TNRC6B: variants seen among roughly 807,000 people sequenced by gnomAD.
TNRC6B encodes the protein trinucleotide repeat containing adaptor 6B.
A neutral mutation model predicts 203.6 loss-of-function variants in TNRC6B; 52 were observed. The observed-to-expected ratio is 0.26, with a 90% CI of 0.20 to 0.32. TNRC6B has a LOEUF of 0.32. Among genes scored for constraint, TNRC6B ranks in the 10% least tolerant of loss-of-function variants. The pLI, the probability that TNRC6B is intolerant of heterozygous loss-of-function variation, is 1.00. For synonymous variants in TNRC6B, 838 were observed against 845.7 expected, an observed-to-expected ratio of 0.99 and a Z score of 0.16; for missense variants, 1,923 against 2,286.2, an observed-to-expected ratio of 0.84 and a Z score of 3.24.
At chr22:40,124,115 A>G (rs1341792827) in intron 2 of TNRC6B, among the ~76,000 whole-genome samples, 1 of 152,140 alleles carries the variant, frequency 6.6e-6, no homozygotes, top group African/African-American at 2.4e-5. Context: ...TCCCAACAAG[A>G]CCTTGCTAGG....
At chr22:40,107,017 T>G (rs1201559403) in intron 1 of TNRC6B, 11 of 1,102,874 alleles carry the variant, frequency 1.0e-5, no homozygotes, top group Non-Finnish European at 1.5e-5. Context: ...TTCTTAAGGA[T>G]TTCTGGCACA....
At chr22:40,193,408 C>T (rs1274319310) in intron 1 of TNRC6B, among the ~76,000 whole-genome samples, 1 of 152,154 alleles carries the variant, frequency 6.6e-6, no homozygotes, top group East Asian at 1.9e-4. Context: ...CTATGCTGGT[C>T]TCTGGGGATA....
At chr22:40,223,494 GC>G (rs1232802534) in intron 1 of TNRC6B, among the ~76,000 whole-genome samples, 1 of 152,080 alleles carries the variant, frequency 6.6e-6, no homozygotes, top group African/African-American at 2.4e-5. Context: ...TTGCGTAAAA[GC>G]CCCCCTTTTC....
chr22:40,139,368 C>T (rs546715492), intron 3 of TNRC6B, among the ~76,000 whole-genome samples: 30 of 146,854 alleles, frequency 2.0e-4, no homozygotes, highest in African/African-American at 7.4e-4. Context: ...TGCTCTATGG[C>T]CCAGGCTGGA....
intron 1 of TNRC6B, among the ~76,000 whole-genome samples, chr22:40,221,397 A>G (rs1211977972): frequency 1.3e-5 from 2 of 152,158 alleles, no homozygotes; most frequent in African/African-American, 4.8e-5. Context: ...TCTCTCTCAG[A>G]TAATTCATCT....
At chr22:40,062,061 G>A (rs1377892003) in intron 1 of TNRC6B, among the ~76,000 whole-genome samples, 2 of 152,064 alleles carry the variant, frequency 1.3e-5, no homozygotes, top group South Asian at 2.1e-4. Flanking sequence ...GCAACACAGC[G>A]AGACTCTGTC....
chr22:40,072,094 C>T (rs1054613793), intron 1 of TNRC6B, among the ~76,000 whole-genome samples: 7 of 152,098 alleles, frequency 4.6e-5, no homozygotes, highest in Non-Finnish European at 5.9e-5. Flanking sequence ...TGGACTCAAG[C>T]GATCATCCAA....
chr22:40,310,021 G>A (rs963636688), intron 16 of TNRC6B, among the ~76,000 whole-genome samples: 1 of 152,160 alleles, frequency 6.6e-6, no homozygotes, highest in African/African-American at 2.4e-5. Flanking sequence ...AAGTAGACTG[G>A]TATCTCACTG....
At chr22:40,214,121 G>C (rs948801100) in intron 1 of TNRC6B, among the ~76,000 whole-genome samples, 2 of 152,070 alleles carry the variant, frequency 1.3e-5, no homozygotes, top group African/African-American at 4.8e-5. Flanking sequence ...ATAAAAACTA[G>C]CCGGGCGTGG....
intron 12 of TNRC6B, among the ~76,000 whole-genome samples, chr22:40,295,706 A>G (rs1219790448): frequency 1.3e-5 from 2 of 151,954 alleles, no homozygotes; most frequent in Non-Finnish European, 2.9e-5. Context: ...GCATGAATAA[A>G]ACACAGAGAA....
chr22:40,065,644 A>G (rs1367717320), intron 1 of TNRC6B, among the ~76,000 whole-genome samples: 1 of 152,032 alleles, frequency 6.6e-6, no homozygotes, highest in African/African-American at 2.4e-5. Context: ...GTTTTATATT[A>G]TTGGATGGTG....
chr22:40,071,804 CT>C (rs1170326472), intron 1 of TNRC6B, among the ~76,000 whole-genome samples: 1 of 152,126 alleles, frequency 6.6e-6, no homozygotes, highest in African/African-American at 2.4e-5. Flanking sequence ...GCAGTTATAG[CT>C]TTTATTTCTA....
At position 40,331,645 on chromosome 22, in the gene TNRC6B, ATTTTTTTT is replaced by A. The variant is rs10534254; in HGVS notation, c.*8422_*8429del. ...ACTGAATTTAAGAAGAGGTTGTTGG[ATTTTTTTT>A]TTTTTTTTTTTTTTTTTCAAAAAAA... is the stretch of plus-strand genomic sequence containing the variant. On this transcript the variant is annotated 3_prime_UTR_variant, in exon 23 of 23. Transcript: ENST00000454349. The A allele has an allele frequency of 4.3e-4, 57 of 133,254 alleles. No homozygotes were observed. The highest frequency in any genetic ancestry group is 3.3e-3 in the Middle Eastern group (1 of 300). 8.3% of individuals were successfully genotyped at this position (133,254 alleles called of 1,614,324 possible). A position where few individuals can be genotyped will look rare whatever the true frequency, so the allele number is the denominator to read the frequency against.
At chr22:40,087,858 C>T (rs1436658005) in intron 1 of TNRC6B, among the ~76,000 whole-genome samples, 2 of 152,106 alleles carry the variant, frequency 1.3e-5, no homozygotes, top group African/African-American at 2.4e-5. Context: ...TGCTGTTGGC[C>T]TCCATCTCCG....
chr22:40,067,049 ACATGCCAC>A (rs2067900288), intron 1 of TNRC6B, among the ~76,000 whole-genome samples: 1 of 151,988 alleles, frequency 6.6e-6, no homozygotes, highest in Admixed American at 6.6e-5. Flanking sequence ...GATTACGGGC[ACATGCCAC>A]CATGCCCAGT....
rs1008855925 is a variant in TNRC6B, at chr22:40,113,999, T to C, written c.-120-3056T>C. On this transcript the variant is annotated intron_variant, in intron 1 of 23. Transcript: ENST00000301923. ...TTCTTAATAATCTGTATCCCAAGAA[T>C]TATGCTGGATATCAAACTGATAGGA... Among the ~76,000 whole-genome samples the C allele has an allele frequency of 7.9e-5, 12 of 152,292 alleles. No individual in the cohort carries two copies. The South Asian group carries it at 8.3e-4, about 11-fold the overall frequency.
In TNRC6B at chr22:40,182,250, AAAAAG is replaced by A. The variant is rs1012771718; in HGVS notation, c.5+4125_5+4129del. Reference sequence around the variant, plus strand: ...GTACAGGGAGACTCCGTCTCAAAAAAAAAAGAAAAGAAAAGAAAAAAAAGCCAAAT... The same window carrying A: ...GTACAGGGAGACTCCGTCTCAAAAAAAAAAGAAAAGAAAAAAAAGCCAAAT... On this transcript the variant is annotated intron_variant, in intron 1 of 22. Coordinates refer to ENST00000454349, the MANE Select transcript of TNRC6B (RefSeq NM_001162501.2). Among the ~76,000 whole-genome samples, 324 of 152,314 alleles carry A rather than the reference AAAAAG, an allele frequency of 2.1e-3. 2 individuals are homozygous for A. Among genetic ancestry groups the A allele is most frequent in the African/African-American group, 6.7e-3 (279 of 41,578 alleles).
intron 1 of TNRC6B, among the ~76,000 whole-genome samples, chr22:40,058,047 AC>A: frequency 6.6e-6 from 1 of 152,228 alleles, no homozygotes; most frequent in South Asian, 2.1e-4. Flanking sequence ...TTTAAAATTT[AC>A]AGTGTTTTAT....
chr22:40,312,087 A>C lies in TNRC6B; in HGVS notation c.4436-418A>C, dbSNP rs1193363712. Among the ~76,000 whole-genome samples, 3 of 152,166 alleles carry C rather than the reference A, an allele frequency of 2.0e-5. No homozygotes were observed. The East Asian group carries it at 5.8e-4, about 29-fold the overall frequency. ...GTATCATTTGTATTACATTTTTTGCATTTTGGCCAACATCTCGTAAGGAAA... is the reference window on the plus strand; with the variant it reads ...GTATCATTTGTATTACATTTTTTGCCTTTTGGCCAACATCTCGTAAGGAAA... On this transcript the variant is annotated intron_variant, in intron 17 of 22. Coordinates refer to ENST00000454349, the MANE Select transcript of TNRC6B (RefSeq NM_001162501.2).
Sources: gnomAD v4.1 joint callset for allele counts (sites outside exome capture counted in the v4.1 genomes callset) on GRCh38, gnomAD v4.1.1 for gene constraint, MANE v1.5 for transcripts, NCBI Gene and HGNC (gene_info 2026-07-23, HGNC 2026-07-21) for gene names.